Variants in ZNF280D observed in about 807,000 individuals in gnomAD.
ZNF280D encodes suppressor of hairy wing homolog 4.
ZNF280D carries 39 observed loss-of-function variants against 94.7 expected under a neutral mutation model. That is an observed-to-expected ratio of 0.41 (90% CI 0.32 to 0.54). The LOEUF (loss-of-function observed/expected upper bound fraction) is 0.54. Among genes scored for constraint, ZNF280D ranks in the 20% least tolerant of loss-of-function variants. The pLI is 0.22. For synonymous variants in ZNF280D, 398 were observed against 377.6 expected (o/e 1.05, Z -0.63); for missense variants, 1,090 against 1,149.3 (o/e 0.95, Z 0.75).
chr15:56,712,354 G>A (rs537941620), intron 1 of ZNF280D, among the ~76,000 whole-genome samples: 4 of 151,634 alleles, frequency 2.6e-5, no homozygotes, highest in Non-Finnish European at 5.9e-5. Flanking sequence ...AGAAAAAAAC[G>A]TTCAGGCTGG....
At chr15:56,636,040 G>A (rs12903336) in intron 20 of ZNF280D, among the ~76,000 whole-genome samples, 70,715 of 151,880 alleles carry the variant, frequency 0.47, 18,470 homozygotes, top group East Asian at 0.6. Context: ...ATGGTAGATC[G>A]ACTCAAGCCT....
At chr15:56,672,587 T>A (rs28441487) in intron 13 of ZNF280D, among the ~76,000 whole-genome samples, 36,073 of 151,894 alleles carry the variant, frequency 0.24, 5,069 homozygotes, top group African/African-American at 0.4. Flanking sequence ...TGCCAGTATT[T>A]TGGTGAAGAT....
intron 19 of ZNF280D, among the ~76,000 whole-genome samples, chr15:56,646,423 C>T (rs1377829980): frequency 6.6e-6 from 1 of 152,018 alleles, no homozygotes. Flanking sequence ...AGCAAAACAG[C>T]AAGACCCTGT....
intron 1 of ZNF280D, among the ~76,000 whole-genome samples, chr15:56,728,583 G>A (rs1019196917): frequency 6.6e-6 from 1 of 152,260 alleles, no homozygotes; most frequent in Non-Finnish European, 1.5e-5. Context: ...AGACAACCCA[G>A]AAGGAATGAC....
chr15:56,669,939 TATATA>T (rs1566960625), intron 13 of ZNF280D, among the ~76,000 whole-genome samples: 242 of 4,326 alleles, frequency 0.056, 115 homozygotes, highest in Non-Finnish European at 0.055. Flanking sequence ...ATATATATTA[TATATA>T]TATATTATAT....
At chr15:56,649,536 G>A (rs1168127074) in intron 19 of ZNF280D, among the ~76,000 whole-genome samples, 1 of 151,818 alleles carries the variant, frequency 6.6e-6, no homozygotes, top group African/African-American at 2.4e-5. Flanking sequence ...AGAATCTAGG[G>A]GCTAAAATCC....
chr15:56,686,919 TA>T (rs2056062515), intron 9 of ZNF280D, among the ~76,000 whole-genome samples: 1 of 152,152 alleles, frequency 6.6e-6, no homozygotes, highest in Admixed American at 6.5e-5. Context: ...CAGATAAGTA[TA>T]TTTTTCTAAT....
At chr15:56,639,922 G>A (rs1022905122) in intron 20 of ZNF280D, among the ~76,000 whole-genome samples, 3 of 152,044 alleles carry the variant, frequency 2.0e-5, no homozygotes, top group South Asian at 4.1e-4. Context: ...TTGAGGCGGG[G>A]AGTCTGGGAG....
chr15:56,666,158 C>T (rs1366631093), intron 16 of ZNF280D, among the ~76,000 whole-genome samples: 1 of 152,034 alleles, frequency 6.6e-6, no homozygotes, highest in Admixed American at 6.6e-5. Context: ...AAACTATTAC[C>T]CTAACAAACC....
chr15:56,728,675 T>C (rs59016569), intron 1 of ZNF280D, among the ~76,000 whole-genome samples: 4,862 of 152,266 alleles, frequency 0.032, 255 homozygotes, highest in African/African-American at 0.11. Flanking sequence ...TGTATGAAAG[T>C]TGCTAAGTAC....
chr15:56,704,335 A>G, intron 3 of ZNF280D, 68 bp from the exon 4 acceptor site: 1 of 1,415,104 alleles, frequency 7.1e-7, no homozygotes, highest in Admixed American at 2.6e-5. Flanking sequence ...TTTGTAATAC[A>G]TAGCATTAAT....
chr15:56,700,310 C>A (rs1282061495), intron 6 of ZNF280D: 4 of 462,482 alleles, frequency 8.6e-6, no homozygotes, highest in South Asian at 1.8e-4. Context: ...CCTCTATGAG[C>A]CTCAGTTTCC....
chr15:56,679,981 TAA>T (rs1307018637), intron 10 of ZNF280D, among the ~76,000 whole-genome samples: 39 of 152,322 alleles, frequency 2.6e-4, no homozygotes, highest in African/African-American at 9.1e-4. Flanking sequence ...TTTCAGCACT[TAA>T]AGTCTATTAA....
chr15:56,653,915 G>A, intron 19 of ZNF280D: 1 of 1,278,738 alleles, frequency 7.8e-7, no homozygotes, highest in African/African-American at 1.5e-5. Flanking sequence ...TTTGAAAGCT[G>A]AAAAGAGCTG....
intron 3 of ZNF280D, 90 bp from the exon 4 acceptor site, chr15:56,704,357 C>T: frequency 8.0e-7 from 1 of 1,242,442 alleles, no homozygotes; most frequent in Non-Finnish European, 1.1e-6. Flanking sequence ...TTAAGGTGTA[C>T]TTTAATAATC....
intron 17 of ZNF280D, among the ~76,000 whole-genome samples, chr15:56,655,468 G>GT (rs2053489978): frequency 6.6e-6 from 1 of 152,206 alleles, no homozygotes; most frequent in African/African-American, 2.4e-5. Flanking sequence ...CGGCCTCCCA[G>GT]TGCTGGGATT....
intron 20 of ZNF280D, 57 bp from the exon 21 acceptor site, chr15:56,635,307 T>G: frequency 1.0e-6 from 1 of 976,606 alleles, no homozygotes; most frequent in Non-Finnish European, 1.4e-6. Flanking sequence ...AAAACTATTT[T>G]TATTATACTA....
Position 56,666,739 on chromosome 15 carries a change from T to G in ZNF280D, c.1793A>C (p.Gln598Pro), listed in dbSNP as rs766718149. ...TTTATTGCTACTAGCCAATGTGCTTTGTTTCTTTTGCATATTAGAGATTTT... is the reference window on the plus strand; with the variant it reads ...TTTATTGCTACTAGCCAATGTGCTTGGTTTCTTTTGCATATTAGAGATTTT... The part of the protein sequence containing the change: ...KPKISNMQKK[Q>P]STLASSNKKS... The change falls in exon 15 of 22, where the codon CAA becomes CCA. Residue 598 changes from glutamine to proline, a missense_variant. Coordinates refer to ENST00000267807, the MANE Select transcript of ZNF280D (RefSeq NM_017661.4). 5.0e-6 allele frequency: 8 copies of G among 1,613,386 alleles called. No individual in the cohort carries two copies. The highest frequency in any genetic ancestry group is 1.7e-5 in the Admixed American group (1 of 59,888).
intron 16 of ZNF280D, among the ~76,000 whole-genome samples, chr15:56,665,265 T>C (rs376566846): frequency 6.6e-6 from 1 of 152,142 alleles, no homozygotes. Flanking sequence ...TATAATACAT[T>C]AATTCTAATT....
Sources: allele counts gnomAD v4.1 joint callset (sites outside exome capture counted in the v4.1 genomes callset), GRCh38; gene constraint gnomAD v4.1.1; transcripts MANE v1.5; gene names NCBI Gene and HGNC (gene_info 2026-07-23, HGNC 2026-07-21).